LIN52: variants seen among roughly 807,000 people sequenced by gnomAD.
LIN52 encodes the protein protein lin-52 homolog.
Under a neutral mutation model 18.5 loss-of-function variants are expected in LIN52, and 4 were observed. The ratio of observed to expected loss-of-function variants is 0.22; its 90% CI spans 0.11 to 0.49. The LOEUF (loss-of-function observed/expected upper bound fraction) is 0.49. LIN52 is among the 20% of genes least tolerant of loss of function. The pLI is 0.97. For synonymous variants in LIN52, 34 were observed against 45.5 expected (o/e 0.75, Z 1.02); for missense variants, 102 against 139.5 (o/e 0.73, Z 1.35).
chr14:74,137,192 GTATTGA>G (rs1156809922), intron 5 of LIN52, among the ~76,000 whole-genome samples: 2 of 147,052 alleles, frequency 1.4e-5, no homozygotes, highest in Non-Finnish European at 3.0e-5. Context: ...TCTATATTAC[GTATTGA>G]TATTCTCTTC....
intron 5 of LIN52, among the ~76,000 whole-genome samples, chr14:74,193,871 T>G (rs1341287803): frequency 6.6e-6 from 1 of 152,222 alleles, no homozygotes; most frequent in Non-Finnish European, 1.5e-5. Context: ...ATTGCTCTTC[T>G]GAATATGAGA....
chr14:74,138,882 T>C (rs577983938), intron 5 of LIN52, among the ~76,000 whole-genome samples: 1 of 151,924 alleles, frequency 6.6e-6, no homozygotes, highest in African/African-American at 2.4e-5. Flanking sequence ...TATGATAAAG[T>C]GCAACCATAT....
At chr14:74,097,425 CTTT>C (rs35249058) in intron 3 of LIN52, among the ~76,000 whole-genome samples, 25,092 of 133,402 alleles carry the variant, frequency 0.19, 2,251 homozygotes, top group South Asian at 0.43. Flanking sequence ...TTTTCTTTTT[CTTT>C]TTTTTTTTTT....
At chr14:74,180,828 G>A (rs1320501714) in intron 5 of LIN52, among the ~76,000 whole-genome samples, 1 of 152,084 alleles carries the variant, frequency 6.6e-6, no homozygotes, top group African/African-American at 2.4e-5. Context: ...CATAGGCCTG[G>A]CTGGGCACAG....
At chr14:74,140,994 T>C (rs1202402317) in intron 5 of LIN52, among the ~76,000 whole-genome samples, 3 of 152,200 alleles carry the variant, frequency 2.0e-5, no homozygotes, top group African/African-American at 7.2e-5. Context: ...TACAATGATG[T>C]TAACTACAAA....
intron 5 of LIN52, among the ~76,000 whole-genome samples, chr14:74,157,459 A>ATATATTT (rs371363719): frequency 3.6e-5 from 5 of 139,932 alleles, no homozygotes; most frequent in African/African-American, 1.3e-4. Context: ...ATATATATAT[A>ATATATTT]TTTTTTAATT....
chr14:74,181,201 A>G (rs10144220), intron 5 of LIN52, among the ~76,000 whole-genome samples: 90,655 of 150,634 alleles, frequency 0.6, 28,377 homozygotes, highest in Admixed American at 0.68. Context: ...AGCATTTTGG[A>G]AGGACAGAGT....
chr14:74,119,411 G>T (rs949670988), intron 5 of LIN52, among the ~76,000 whole-genome samples: 1 of 151,920 alleles, frequency 6.6e-6, no homozygotes, highest in African/African-American at 2.4e-5. Flanking sequence ...TGATCCGCCC[G>T]CCTTGGCCTC....
At chr14:74,188,466 G>T (rs1421817214) in intron 5 of LIN52, among the ~76,000 whole-genome samples, 1 of 151,818 alleles carries the variant, frequency 6.6e-6, no homozygotes, top group Non-Finnish European at 1.5e-5. Flanking sequence ...CTATATTTCT[G>T]TGTGTTCCAC....
At chr14:74,085,110 TTTTA>T in intron 1 of LIN52, 117 bp downstream of exon 1, 2 of 1,004,800 alleles carry the variant, frequency 2.0e-6, no homozygotes, top group Non-Finnish European at 2.7e-6. Context: ...CTCCTTTCCC[TTTTA>T]TTTTTTTTCT....
chr14:74,185,977 T>A (rs1326602835), intron 5 of LIN52, among the ~76,000 whole-genome samples: 3 of 152,166 alleles, frequency 2.0e-5, no homozygotes, highest in African/African-American at 7.2e-5. Context: ...AACAAAAATA[T>A]TTGATGCTCA....
intron 5 of LIN52, among the ~76,000 whole-genome samples, chr14:74,166,746 T>G (rs1258221113): frequency 6.6e-6 from 1 of 152,202 alleles, no homozygotes; most frequent in African/African-American, 2.4e-5. Context: ...GTAAGGGGTA[T>G]TTTCCTGAAT....
At chr14:74,146,840 A>G (rs1172483700) in intron 5 of LIN52, among the ~76,000 whole-genome samples, 1 of 152,210 alleles carries the variant, frequency 6.6e-6, no homozygotes. Flanking sequence ...ATATAGATCA[A>G]TGGAATATGA....
chr14:74,174,696 C>A (rs911815577), intron 5 of LIN52: 1 of 151,884 alleles, frequency 6.6e-6, no homozygotes, highest in African/African-American at 2.4e-5. Context: ...CTAGCGGGAT[C>A]ATGCCTGTGA....
At chr14:74,132,126 A>G (rs1396692528) in intron 5 of LIN52, among the ~76,000 whole-genome samples, 1 of 152,188 alleles carries the variant, frequency 6.6e-6, no homozygotes, top group Non-Finnish European at 1.5e-5. Context: ...ATTCTTTATT[A>G]TTCCCATTTA....
intron 5 of LIN52, among the ~76,000 whole-genome samples, chr14:74,197,524 T>C (rs992286451): frequency 1.3e-5 from 2 of 152,094 alleles, no homozygotes; most frequent in Non-Finnish European, 2.9e-5. Context: ...CCATATAAGC[T>C]AGTAATTGCA....
intron 5 of LIN52, among the ~76,000 whole-genome samples, chr14:74,159,503 C>T (rs6574164): frequency 0.78 from 117,860 of 151,774 alleles, 46,061 homozygotes; most frequent in Admixed American, 0.81. Context: ...CTCAAATTGT[C>T]TGTCTTGTCC....
intron 1 of LIN52, among the ~76,000 whole-genome samples, chr14:74,087,994 C>T (rs1304395673): frequency 6.6e-6 from 1 of 152,172 alleles, no homozygotes; most frequent in Non-Finnish European, 1.5e-5. Flanking sequence ...TTATAGCTCA[C>T]TGCACCCTCA....
Position 74,180,359 on chromosome 14 carries a change from G to A in LIN52, c.284-18563G>A, listed in dbSNP as rs28471051. On this transcript the variant is annotated intron_variant, in intron 5 of 5. Coordinates refer to ENST00000555028, the MANE Select transcript of LIN52 (RefSeq NM_001024674.3). ...CGGCTCACTGCAAGCTCCGCCTCCC[G>A]GGTTCACGCCATTCTCCTGCCTCAG... 7.4e-3 allele frequency among the ~76,000 whole-genome samples: 1,079 copies of A among 145,610 alleles called. 14 individuals are homozygous for A. The highest frequency in any genetic ancestry group is 0.026 in the African/African-American group (1,022 of 39,304).
Sources: allele counts gnomAD v4.1 joint callset (sites outside exome capture counted in the v4.1 genomes callset), GRCh38; gene constraint gnomAD v4.1.1; transcripts MANE v1.5; gene names NCBI Gene and HGNC (gene_info 2026-07-23, HGNC 2026-07-21).